KIZ: variants seen among roughly 807,000 people sequenced by gnomAD.
KIZ encodes kizuna centrosomal protein.
In KIZ, 68 loss-of-function variants were observed where a neutral mutation model predicts 79.6. The observed-to-expected ratio is 0.85, with a 90% CI of 0.70 to 1.05. The LOEUF (loss-of-function observed/expected upper bound fraction) is 1.05. Among genes scored for constraint, KIZ ranks in the 50% least tolerant of loss-of-function variants. The pLI, the probability that KIZ is intolerant of heterozygous loss-of-function variation, is 0.00. For synonymous variants in KIZ, 280 were observed against 281.8 expected, an observed-to-expected ratio of 0.99 and a Z score of 0.06; for missense variants, 797 against 800.4, an observed-to-expected ratio of 1.00 and a Z score of 0.05.
At chr20:21,211,931 A>C (rs1213184645) in intron 7 of KIZ, among the ~76,000 whole-genome samples, 1 of 152,202 alleles carries the variant, frequency 6.6e-6, no homozygotes, top group African/African-American at 2.4e-5. Flanking sequence ...TCTACTAAAA[A>C]TACAAAAATT....
intron 7 of KIZ, among the ~76,000 whole-genome samples, chr20:21,213,306 CTGA>C (rs1420507718): frequency 6.6e-6 from 1 of 152,266 alleles, no homozygotes; most frequent in Non-Finnish European, 1.5e-5. Context: ...CTTCCATGCT[CTGA>C]CTCTCCCTGT....
chr20:21,170,391 C>CTTT (rs1219875909), intron 6 of KIZ, among the ~76,000 whole-genome samples: 1 of 142,704 alleles, frequency 7.0e-6, no homozygotes, highest in Non-Finnish European at 1.5e-5. Context: ...AATACTAGAT[C>CTTT]TTTTTTTTTT....
chr20:21,233,207 G>A (rs900166131), intron 11 of KIZ, among the ~76,000 whole-genome samples: 3 of 152,278 alleles, frequency 2.0e-5, no homozygotes, highest in South Asian at 4.1e-4. Flanking sequence ...TTTTTGTGAT[G>A]GCTAATATAT....
Position 21,215,631 on chromosome 20 carries a change from C to T in KIZ, c.1661C>T (p.Ala554Val). 1 of 1,603,778 alleles carries T rather than the reference C, an allele frequency of 6.2e-7. No homozygotes were observed. Among genetic ancestry groups the T allele is most frequent in the Non-Finnish European group, 8.5e-7 (1 of 1,172,496 alleles). ...AAGAGCAAGAAAGAAAATGTGGCTG[C>T]AGATATCCCAATCACAGGTAAAGCT... is the stretch of plus-strand genomic sequence containing the variant. The part of the protein sequence containing the change: ...GDKSKKENVA[A>V]DIPITETEAY... The change falls in exon 9 of 13, where the codon GCA (alanine) becomes GTA (valine). Residue 554 changes from alanine to valine, a missense_variant. Coordinates refer to ENST00000619189, the MANE Select transcript of KIZ (RefSeq NM_018474.6).
intron 3 of KIZ, among the ~76,000 whole-genome samples, chr20:21,141,567 G>A (rs1232334834): frequency 2.0e-5 from 3 of 152,062 alleles, no homozygotes; most frequent in Non-Finnish European, 2.9e-5. Context: ...AAAGGTCCTA[G>A]GGATGTGTGT....
chr20:21,239,451 C>G (rs901517085), intron 11 of KIZ, among the ~76,000 whole-genome samples: 4 of 152,198 alleles, frequency 2.6e-5, no homozygotes, highest in African/African-American at 9.7e-5. Context: ...TAGGACACAT[C>G]TCTTAACCTC....
intron 4 of KIZ, among the ~76,000 whole-genome samples, chr20:21,156,694 T>C (rs993252816): frequency 1.3e-5 from 2 of 152,206 alleles, no homozygotes; most frequent in African/African-American, 4.8e-5. Context: ...TCATGAACTG[T>C]GCTCAAGAAA....
At chr20:21,142,571 A>G (rs890505418) in intron 3 of KIZ, among the ~76,000 whole-genome samples, 3 of 152,018 alleles carry the variant, frequency 2.0e-5, no homozygotes, top group African/African-American at 7.3e-5. Flanking sequence ...ATATAATGTC[A>G]TTATTTAAAG....
rs2036747362 is a variant in KIZ, at chr20:21,229,050, A to G, written c.1718A>G (p.Gln573Arg). 2 of 1,612,260 alleles carry G rather than the reference A, an allele frequency of 1.2e-6. No homozygotes were observed. Among genetic ancestry groups the G allele is most frequent in the South Asian group, 2.2e-5 (2 of 90,706 alleles). Residue 573 changes from glutamine to arginine, a missense_variant, in exon 10 of 13, where the codon CAG becomes CGG. Gln to Arg is a conservative substitution (Grantham distance 43). Coordinates refer to ENST00000619189, the MANE Select transcript of KIZ (RefSeq NM_018474.6). ...AYQLLKKATL[Q>R]DNTNQTENRF... ...CAGTTGCTGAAGAAGGCCACCCTTC[A>G]GGATAATACAAATCAAACTGAAAAC...
chr20:21,228,375 T>A (rs903871496), intron 9 of KIZ, among the ~76,000 whole-genome samples: 3 of 152,196 alleles, frequency 2.0e-5, no homozygotes, highest in Non-Finnish European at 4.4e-5. Context: ...TTATAGCAGA[T>A]GCCATTAGAA....
intron 9 of KIZ, among the ~76,000 whole-genome samples, chr20:21,219,597 C>T (rs1033468760): frequency 3.9e-5 from 6 of 152,184 alleles, no homozygotes; most frequent in Non-Finnish European, 7.4e-5. Context: ...GGATTATAGG[C>T]ATGAGCCACC....
At position 21,135,078 on chromosome 20, in the gene KIZ, A is replaced by T. The variant is rs138560053; in HGVS notation, c.153-1312A>T. 1.1e-3 allele frequency among the ~76,000 whole-genome samples: 174 copies of T among 152,246 alleles called. 2 individuals carry two copies. Among genetic ancestry groups the T allele is most frequent in the African/African-American group, 4.1e-3 (170 of 41,538 alleles). ...AGTCCTTTTTAGTTTCCCTCATAGC[A>T]TTCATCACGTATTTACTTATTTCAT... On this transcript the variant is annotated intron_variant, in intron 2 of 12. Transcript: ENST00000619189.
intron 7 of KIZ, among the ~76,000 whole-genome samples, chr20:21,207,657 T>C (rs1484743725): frequency 4.0e-5 from 6 of 151,888 alleles, no homozygotes; most frequent in Non-Finnish European, 8.8e-5. Context: ...ATGCCCCTTT[T>C]CAAAGATAAC....
rs562045625 is a variant in KIZ, at chr20:21,187,645, A to G, written c.1353-17846A>G. Among the ~76,000 whole-genome samples, 7 of 152,268 alleles carry G rather than the reference A, an allele frequency of 4.6e-5. No homozygotes were observed. In the South Asian group the frequency reaches 8.3e-4, roughly 18 times the overall value. On this transcript the variant is annotated intron_variant, in intron 6 of 12. Transcript: ENST00000619189. ...TCCTCTCTTAAACACACGTGTATAT[A>G]TGGATAGAAACAGACAGACAGACAT...
At chr20:21,209,802 G>A (rs2035991592) in intron 7 of KIZ, among the ~76,000 whole-genome samples, 1 of 152,216 alleles carries the variant, frequency 6.6e-6, no homozygotes, top group Admixed American at 6.5e-5. Flanking sequence ...CTGTGTCTGT[G>A]TTAGTAGCAC....
chr20:21,205,167 A>T (rs999756977), intron 6 of KIZ, among the ~76,000 whole-genome samples: 8 of 152,204 alleles, frequency 5.3e-5, no homozygotes, highest in African/African-American at 1.9e-4. Context: ...TAAAATGTTT[A>T]AAAAGTCCAC....
At chr20:21,244,406 C>A in intron 12 of KIZ, 118 bp downstream of exon 12, 1 of 734,012 alleles carries the variant, frequency 1.4e-6, no homozygotes, top group Non-Finnish European at 2.4e-6. Flanking sequence ...CTCACAGGGA[C>A]TGCCATTGCA....
chr20:21,191,934 C>T (rs1231939763), intron 6 of KIZ, among the ~76,000 whole-genome samples: 2 of 151,986 alleles, frequency 1.3e-5, no homozygotes, highest in Non-Finnish European at 2.9e-5. Context: ...CCCGGAGCTC[C>T]CTTATCGAGA....
chr20:21,169,025 A>G (rs2034083057), intron 6 of KIZ, among the ~76,000 whole-genome samples: 1 of 152,220 alleles, frequency 6.6e-6, no homozygotes, highest in African/African-American at 2.4e-5. Context: ...AGGCATGGGC[A>G]AGGACTTCAT....
Sources: gnomAD v4.1 joint callset for allele counts (sites outside exome capture counted in the v4.1 genomes callset) on GRCh38, gnomAD v4.1.1 for gene constraint, MANE v1.5 for transcripts, NCBI Gene and HGNC (gene_info 2026-07-23, HGNC 2026-07-21) for gene names.